The following GIGYF2 variants were observed in gnomAD, a reference collection of about 807,000 sequenced individuals.
GIGYF2 encodes GRB10 interacting GYF protein 2, also known as GRB10-interacting GYF protein 2.
A neutral mutation model predicts 208.1 loss-of-function variants in GIGYF2; 25 were observed. That is an observed-to-expected ratio of 0.12 (90% CI 0.09 to 0.17). GIGYF2 has a LOEUF of 0.17. GIGYF2 is among the 10% of genes least tolerant of loss of function. The pLI is 1.00. For synonymous variants in GIGYF2, 534 were observed against 543.8 expected (o/e 0.98, Z 0.25); for missense variants, 1,302 against 1,579.4 (o/e 0.82, Z 2.98).
In GIGYF2 at chr2:232,700,815, A is replaced by G. The variant is rs914623725; in HGVS notation, c.-109-2609A>G. On this transcript the variant is annotated intron_variant, in intron 1 of 28. Coordinates refer to ENST00000373563, the MANE Select transcript of GIGYF2 (RefSeq NM_001103146.3). ...TTTTTGCATGGGAGAGTATTTAAGA[A>G]TAAAAGGAAAAATATATAAAATGAA... 2.0e-5 allele frequency among the ~76,000 whole-genome samples: 3 copies of G among 152,192 alleles called. No individual in the cohort carries two copies. In the East Asian group the frequency reaches 5.8e-4, roughly 29 times the overall value.
At chr2:232,784,750 G>T (rs1699858093) in intron 8 of GIGYF2, among the ~76,000 whole-genome samples, 1 of 152,176 alleles carries the variant, frequency 6.6e-6, no homozygotes, top group African/African-American at 2.4e-5. Flanking sequence ...AATAGATTTA[G>T]ATTATGACTT....
chr2:232,765,442 A>T (rs1698917372), intron 8 of GIGYF2: 1 of 152,636 alleles, frequency 6.6e-6, no homozygotes. Flanking sequence ...GCTTCTCATG[A>T]AAAGAGAAAT....
At chr2:232,771,453 CT>C in intron 8 of GIGYF2, 3 of 930,494 alleles carry the variant, frequency 3.2e-6, no homozygotes, top group Admixed American at 5.3e-5. Flanking sequence ...AGCTCATGGA[CT>C]TTCTGCTTTC....
At chr2:232,720,656 G>A (rs935814687) in intron 2 of GIGYF2, among the ~76,000 whole-genome samples, 5 of 151,280 alleles carry the variant, frequency 3.3e-5, no homozygotes, top group Non-Finnish European at 5.9e-5. Flanking sequence ...GTGCAATGGC[G>A]TGATCTCAGC....
intron 5 of GIGYF2, among the ~76,000 whole-genome samples, chr2:232,749,381 A>G (rs1490219419): frequency 6.6e-6 from 1 of 152,190 alleles, no homozygotes; most frequent in African/African-American, 2.4e-5. Flanking sequence ...ATCTTTGCAA[A>G]TAAACAGATT....
At chr2:232,843,656 T>G (rs1377156042) in intron 23 of GIGYF2, among the ~76,000 whole-genome samples, 1 of 150,820 alleles carries the variant, frequency 6.6e-6, no homozygotes, top group Admixed American at 6.6e-5. Flanking sequence ...GGCAGATCGC[T>G]TGAGGCCAGG....
intron 1 of GIGYF2, among the ~76,000 whole-genome samples, chr2:232,702,508 T>G (rs1351888047): frequency 6.6e-6 from 1 of 152,116 alleles, no homozygotes; most frequent in African/African-American, 2.4e-5. Context: ...ATTGTCAACT[T>G]TAATTGTTAA....
intron 8 of GIGYF2, among the ~76,000 whole-genome samples, chr2:232,778,032 G>A (rs899187667): frequency 3.3e-5 from 5 of 151,680 alleles, no homozygotes; most frequent in African/African-American, 4.8e-5. Context: ...CTGCAGCCTC[G>A]ACCTCCCAGG....
In GIGYF2 at chr2:232,756,310, G is replaced by T; in HGVS notation, c.355G>T (p.Gly119Cys). ...AGGAACAGTGGTGGGGGCTCCTAGAGGTCGAAGTTCTTCAAGAGGGCGAGG... is the reference window on the plus strand; with the variant it reads ...AGGAACAGTGGTGGGGGCTCCTAGATGTCGAAGTTCTTCAAGAGGGCGAGG... ...GGGTVVGAPRGRSSSRGRGRG... is the reference protein window; with the variant it reads ...GGGTVVGAPRCRSSSRGRGRG... Residue 119 changes from glycine (G) to cysteine (C), a missense_variant, in exon 6 of 29, where the codon GGT (glycine) becomes TGT (cysteine). Gly to Cys is a radical substitution (Grantham distance 159, BLOSUM62 -3). Coordinates refer to ENST00000373563, the MANE Select transcript of GIGYF2 (RefSeq NM_001103146.3). 6.4e-7 allele frequency: 1 copy of T among 1,570,590 alleles called. No individual in the cohort carries two copies. The highest frequency in any genetic ancestry group is 8.6e-7 in the Non-Finnish European group (1 of 1,161,978).
chr2:232,747,950 G>C (rs1698210283), intron 4 of GIGYF2, among the ~76,000 whole-genome samples: 1 of 152,168 alleles, frequency 6.6e-6, no homozygotes, highest in Non-Finnish European at 1.5e-5. Context: ...CAGCTTCATG[G>C]AAACAGGAGA....
chr2:232,762,226 CTTTTTTTTTTTGT>C (rs1231551759), intron 8 of GIGYF2, among the ~76,000 whole-genome samples: 4 of 92,888 alleles, frequency 4.3e-5, no homozygotes, highest in Admixed American at 2.1e-4. Context: ...TTAATCATGT[CTTTTTTTTTTTGT>C]TTTTTTTTTT....
At chr2:232,813,718 C>T (rs1461509133) in intron 18 of GIGYF2, among the ~76,000 whole-genome samples, 2 of 152,070 alleles carry the variant, frequency 1.3e-5, no homozygotes, top group Non-Finnish European at 2.9e-5. Flanking sequence ...TGTCTTCCCT[C>T]ATCGACTTTC....
Position 232,845,828 on chromosome 2 carries a change from A to T in GIGYF2, c.3402A>T (p.Gly1134=). The T allele has an allele frequency of 1.9e-6, 3 of 1,613,772 alleles. No homozygotes were observed. Among genetic ancestry groups the T allele is most frequent in the Non-Finnish European group, 2.5e-6 (3 of 1,179,668 alleles). The change falls in exon 26 of 29, where the codon GGA becomes GGT. Residue 1134 remains glycine (G), a synonymous_variant. Coordinates refer to ENST00000373563, the MANE Select transcript of GIGYF2 (RefSeq NM_001103146.3). ...LFQGVNKAQD[G]FTQWCEQMLH... is the part of the protein sequence containing the mutation. ...AGGGAGTAAATAAAGCCCAAGATGG[A>T]TTTACGCAGTGGTGTGAACAGATGC...
chr2:232,766,288 T>C (rs747965552), intron 8 of GIGYF2, among the ~76,000 whole-genome samples: 2 of 152,192 alleles, frequency 1.3e-5, no homozygotes, highest in Non-Finnish European at 2.9e-5. Context: ...TATTTAGTTT[T>C]CAAATGCCAA....
Position 232,720,165 on chromosome 2 carries a change from A to G in GIGYF2, c.-43-14990A>G, listed in dbSNP as rs112676941. On this transcript the variant is annotated intron_variant, in intron 2 of 28. Coordinates refer to ENST00000373563, the MANE Select transcript of GIGYF2 (RefSeq NM_001103146.3). ...TGTGTCCAAGTGTTCTCATTGTTCAATTCCCACCTGTAAGTGAGAATGTGT... is the reference window on the plus strand; with the variant it reads ...TGTGTCCAAGTGTTCTCATTGTTCAGTTCCCACCTGTAAGTGAGAATGTGT... 3.2e-3 allele frequency among the ~76,000 whole-genome samples: 480 copies of G among 152,226 alleles called. 4 individuals are homozygous for G. The highest frequency in any genetic ancestry group is 0.011 in the African/African-American group (454 of 41,528).
chr2:232,857,605 C>G lies in GIGYF2; in HGVS notation c.*745C>G, dbSNP rs1056877015. 1 of 152,656 alleles carries G rather than the reference C, an allele frequency of 6.6e-6. No individual in the cohort carries two copies. Among genetic ancestry groups the G allele is most frequent in the Non-Finnish European group, 1.5e-5 (1 of 68,092 alleles). The allele number at this position is 152,656 out of a possible 1,614,324, so 9.5% of individuals were successfully genotyped here. A position where few individuals can be genotyped will look rare whatever the true frequency, so the allele number is the denominator to read the frequency against. On this transcript the variant is annotated 3_prime_UTR_variant, in exon 29 of 29. Coordinates refer to ENST00000373563, the MANE Select transcript of GIGYF2 (RefSeq NM_001103146.3). ...CCAACCTGATTGGACAAAGGAAGCT[C>G]TATGGCCTGGGAGAGAGACTATTCT...
chr2:232,716,689 T>G (rs1173209566), intron 2 of GIGYF2, among the ~76,000 whole-genome samples: 1 of 152,132 alleles, frequency 6.6e-6, no homozygotes, highest in Non-Finnish European at 1.5e-5. Flanking sequence ...GGCCAGTGTT[T>G]TTTTTGTTTT....
Position 232,847,348 on chromosome 2 carries a change from T to G in GIGYF2, c.3461T>G (p.Val1154Gly), listed in dbSNP as rs758940293. 3 of 1,610,900 alleles carry G rather than the reference T, an allele frequency of 1.9e-6. No individual in the cohort carries two copies. Among genetic ancestry groups the G allele is most frequent in the Non-Finnish European group, 2.5e-6 (3 of 1,177,610 alleles). Residue 1154 changes from valine to glycine, a missense_variant and splice_region_variant, in exon 27 of 29, where the codon GTT (valine) becomes GGT (glycine). Physicochemically the swap from Val to Gly is moderately radical, Grantham distance 109. Coordinates refer to ENST00000373563, the MANE Select transcript of GIGYF2 (RefSeq NM_001103146.3). ...HALNTANNLD[V>G]PTFVSFLKEV... ...TATCTTCTCCCCTCCCGTTTTGCAGTTCCCACATTTGTTTCTTTCCTGAAA... is the reference window on the plus strand; with the variant it reads ...TATCTTCTCCCCTCCCGTTTTGCAGGTCCCACATTTGTTTCTTTCCTGAAA...
chr2:232,818,609 G>A (rs1266988180), intron 20 of GIGYF2, among the ~76,000 whole-genome samples: 1 of 151,916 alleles, frequency 6.6e-6, no homozygotes, highest in Non-Finnish European at 1.5e-5. Flanking sequence ...TATTTCTGGG[G>A]TTTGTATTCT....
Sources: gnomAD v4.1 joint callset for allele counts (sites outside exome capture counted in the v4.1 genomes callset) on GRCh38, gnomAD v4.1.1 for gene constraint, MANE v1.5 for transcripts, NCBI Gene and HGNC (gene_info 2026-07-23, HGNC 2026-07-21) for gene names.